ALG6: variants seen among roughly 807,000 people sequenced by gnomAD.
ALG6 encodes the protein dolichyl pyrophosphate Man9GlcNAc2 alpha-1,3-glucosyltransferase.
In ALG6, 46 loss-of-function variants were observed where a neutral mutation model predicts 66.6. The ratio of observed to expected loss-of-function variants is 0.69; its 90% CI spans 0.55 to 0.88. ALG6 has a LOEUF of 0.88. ALG6 is among the 40% of genes least tolerant of loss of function. The probability of loss-of-function intolerance (pLI) is 0.00; values close to 1 mark genes in which losing one functional copy is unlikely to be tolerated. For synonymous variants in ALG6, 185 were observed against 203.7 expected (o/e 0.91, Z 0.78); for missense variants, 505 against 586.8 (o/e 0.86, Z 1.44).
At chr1:63,399,729 A>G (rs971100603) in intron 3 of ALG6, among the ~76,000 whole-genome samples, 2 of 152,182 alleles carry the variant, frequency 1.3e-5, no homozygotes, top group African/African-American at 4.8e-5. Flanking sequence ...GTTGTCTGTT[A>G]GAGAAAACTA....
chr1:63,380,311 T>C (rs968746335), intron 2 of ALG6, among the ~76,000 whole-genome samples: 7 of 152,188 alleles, frequency 4.6e-5, no homozygotes, highest in Admixed American at 2.0e-4. Flanking sequence ...ATGGTAGTTA[T>C]CAAATGGACA....
chr1:63,391,999 A>G (rs1432094602), intron 2 of ALG6, among the ~76,000 whole-genome samples: 1 of 152,156 alleles, frequency 6.6e-6, no homozygotes, highest in Non-Finnish European at 1.5e-5. Flanking sequence ...GAGCTGGGGA[A>G]AGTTATTTTA....
At chr1:63,398,573 C>T (rs944625090) in intron 3 of ALG6, among the ~76,000 whole-genome samples, 45 of 152,096 alleles carry the variant, frequency 3.0e-4, no homozygotes, top group Admixed American at 3.9e-4. Context: ...CCCAGGTTCA[C>T]GCCATTCTCC....
chr1:63,435,875 A>T (rs1358228004), intron 14 of ALG6, among the ~76,000 whole-genome samples: 1 of 152,194 alleles, frequency 6.6e-6, no homozygotes, highest in Non-Finnish European at 1.5e-5. Context: ...ATTGTATAGC[A>T]CATTGGCCTA....
At chr1:63,398,474 T>TTA (rs1416495084) in intron 3 of ALG6, among the ~76,000 whole-genome samples, 6 of 152,254 alleles carry the variant, frequency 3.9e-5, no homozygotes, top group Admixed American at 3.3e-4. Flanking sequence ...TTATTGATAA[T>TTA]TATATTTCTT....
At chr1:63,372,653 T>G (rs893675812) in intron 2 of ALG6, among the ~76,000 whole-genome samples, 6 of 152,120 alleles carry the variant, frequency 3.9e-5, no homozygotes, top group African/African-American at 1.2e-4. Flanking sequence ...AATGTGTATG[T>G]GTCTGTGTAT....
At chr1:63,421,081 T>C (rs1416265513) in intron 12 of ALG6, among the ~76,000 whole-genome samples, 1 of 151,496 alleles carries the variant, frequency 6.6e-6, no homozygotes, top group Non-Finnish European at 1.5e-5. Context: ...GTGAGTGTGT[T>C]AGAAGGTAAT....
intron 3 of ALG6, among the ~76,000 whole-genome samples, chr1:63,397,085 C>T (rs1005072515): frequency 1.3e-5 from 2 of 151,764 alleles, no homozygotes; most frequent in Admixed American, 1.3e-4. Context: ...TCGCATGTGT[C>T]CTTTTGATTC....
In ALG6 at chr1:63,433,519, G is replaced by A. The variant is rs1348864385; in HGVS notation, c.1327-3304G>A. ...GAGGTGAACAGGAAAGACAAGGAGA[G>A]GATTAACTTTACTCAGGGGTTCAAA... On this transcript the variant is annotated intron_variant, in intron 14 of 14. Transcript: ENST00000263440. The surrounding 1 kb of genome is among the most constrained non-coding windows in gnomAD (Gnocchi z 4.2). Among the ~76,000 whole-genome samples the A allele has an allele frequency of 6.6e-6, 1 of 151,934 alleles. No individual in the cohort carries two copies. Among genetic ancestry groups the A allele is most frequent in the African/African-American group, 2.4e-5 (1 of 41,328 alleles).
At position 63,373,998 on chromosome 1, in the gene ALG6, G is replaced by A. The variant is rs546357810; in HGVS notation, c.82+2939G>A. Among the ~76,000 whole-genome samples the A allele has an allele frequency of 2.0e-5, 3 of 152,238 alleles. No individual in the cohort carries two copies. The South Asian group carries it at 6.2e-4, about 32-fold the overall frequency. ...AAGGATTTATAGAAAGAACTTGTAA[G>A]AACTACTATATTTTGAGTATGAGTA... On this transcript the variant is annotated intron_variant, in intron 2 of 14. Coordinates refer to ENST00000263440, the MANE Select transcript of ALG6 (RefSeq NM_013339.4).
At chr1:63,386,409 T>G (rs1401146339) in intron 2 of ALG6, among the ~76,000 whole-genome samples, 2 of 152,174 alleles carry the variant, frequency 1.3e-5, no homozygotes, top group Non-Finnish European at 2.9e-5. Context: ...TCTTTAAATG[T>G]TTAGTGAAAT....
Position 63,394,071 on chromosome 1 carries a change from G to A in ALG6, c.83-2442G>A, listed in dbSNP as rs922644736. 9.2e-5 allele frequency among the ~76,000 whole-genome samples: 14 copies of A among 152,148 alleles called. 1 individual carries two copies. Among genetic ancestry groups the A allele is most frequent in the Non-Finnish European group, 1.3e-4 (9 of 68,026 alleles). On this transcript the variant is annotated intron_variant, in intron 2 of 14. Transcript: ENST00000263440. ...GGAATATCTTCTTAGAGATTATAGC[G>A]TTTAAAGAATATTGGTATAATTCAA...
intron 14 of ALG6, 54 bp downstream of exon 14, chr1:63,429,180 A>C: frequency 7.6e-7 from 1 of 1,311,998 alleles, no homozygotes; most frequent in Non-Finnish European, 1.1e-6. Context: ...CTATTTTAAA[A>C]AATTATTGAA....
intron 10 of ALG6, 109 bp downstream of exon 10, chr1:63,414,255 CTT>C (rs375709990): frequency 7.9e-3 from 4,751 of 600,142 alleles, no homozygotes; most frequent in Middle Eastern, 0.011. Flanking sequence ...TTTTTCTTTT[CTT>C]TTTTTTTTTT....
intron 14 of ALG6, among the ~76,000 whole-genome samples, chr1:63,431,151 G>T (rs1266676212): frequency 4.6e-5 from 7 of 152,048 alleles, no homozygotes; most frequent in African/African-American, 1.4e-4. Context: ...TTAAATGTAA[G>T]GGTTTATTTC....
At chr1:63,416,834 T>A (rs1422626739) in intron 11 of ALG6, among the ~76,000 whole-genome samples, 3 of 140,038 alleles carry the variant, frequency 2.1e-5, no homozygotes, top group Admixed American at 7.0e-5. Flanking sequence ...AAATGACATT[T>A]AAAAAATAAC....
At chr1:63,428,857 A>C in intron 13 of ALG6, 56 bp downstream of exon 13, 1 of 1,589,286 alleles carries the variant, frequency 6.3e-7, no homozygotes, top group Non-Finnish European at 8.6e-7. Flanking sequence ...ACTAATTTAA[A>C]ACTTTTTTAT....
intron 11 of ALG6, among the ~76,000 whole-genome samples, chr1:63,417,157 G>C (rs1644549805): frequency 6.6e-6 from 1 of 152,162 alleles, no homozygotes; most frequent in African/African-American, 2.4e-5. Flanking sequence ...TGGATAGTTA[G>C]AACAGAATGG....
At chr1:63,426,283 G>A (rs908139267) in intron 12 of ALG6, among the ~76,000 whole-genome samples, 2 of 152,110 alleles carry the variant, frequency 1.3e-5, no homozygotes, top group Admixed American at 6.6e-5. Context: ...GGAAGATCAA[G>A]GAGGTTACTT....
Sources: gnomAD v4.1 joint callset for allele counts (sites outside exome capture counted in the v4.1 genomes callset) on GRCh38, gnomAD v4.1.1 for gene constraint, Gnocchi (gnomAD v3.1) non-coding constraint, MANE v1.5 for transcripts, NCBI Gene and HGNC (gene_info 2026-07-23, HGNC 2026-07-21) for gene names.